The following GRK3 variants were observed in gnomAD, a reference collection of about 807,000 sequenced individuals.
GRK3 encodes the protein adrenergic, beta, receptor kinase 2.
GRK3 carries 54 observed loss-of-function variants against 95.7 expected under a neutral mutation model. That is an observed-to-expected ratio of 0.56 (90% CI 0.45 to 0.71). The LOEUF (loss-of-function observed/expected upper bound fraction) is 0.71, where lower values mean the gene tolerates loss of function less well. Ranked by LOEUF, GRK3 falls within the 30% of genes least tolerant of loss-of-function variation. The pLI is 0.00. For synonymous variants in GRK3, 281 were observed against 290.8 expected (o/e 0.97, Z 0.34); for missense variants, 649 against 851.2 (o/e 0.76, Z 2.96).
intron 2 of GRK3, among the ~76,000 whole-genome samples, chr22:25,630,820 A>T (rs1456067216): frequency 6.6e-6 from 1 of 152,184 alleles, no homozygotes; most frequent in Non-Finnish European, 1.5e-5. Context: ...AAGAATACGT[A>T]TGTGTTGAAT....
At chr22:25,574,156 C>T (rs1042142355) in intron 1 of GRK3, among the ~76,000 whole-genome samples, 7 of 152,036 alleles carry the variant, frequency 4.6e-5, no homozygotes, top group African/African-American at 1.4e-4. Flanking sequence ...AGGTGTATTT[C>T]TTGTAATTTT....
At position 25,704,275 on chromosome 22, in the gene GRK3, T is replaced by C; in HGVS notation, c.1328+66T>C. ...AGCAAAATAGTGATTTTAAATACTGTCTATCAAAAGTCATCCCTAGTCATT... is the reference window on the plus strand; with the variant it reads ...AGCAAAATAGTGATTTTAAATACTGCCTATCAAAAGTCATCCCTAGTCATT... On this transcript the variant is annotated intron_variant, in intron 15 of 20. Transcript: ENST00000324198. 12 of 1,237,108 alleles carry C rather than the reference T, an allele frequency of 9.7e-6. No individual in the cohort carries two copies. The South Asian group carries it at 1.2e-4, about 12-fold the overall frequency. 76.6% of individuals were successfully genotyped at this position (1,237,108 alleles called of 1,614,324 possible). A position where few individuals can be genotyped will look rare whatever the true frequency, so the allele number is the denominator to read the frequency against.
At chr22:25,569,916 C>T (rs1219673669) in intron 1 of GRK3, among the ~76,000 whole-genome samples, 3 of 152,196 alleles carry the variant, frequency 2.0e-5, no homozygotes, top group African/African-American at 7.2e-5. Context: ...AGGAGCTCAG[C>T]CCAGGTGACA....
chr22:25,604,815 A>G (rs946130265), intron 2 of GRK3, among the ~76,000 whole-genome samples: 11 of 152,182 alleles, frequency 7.2e-5, no homozygotes, highest in Non-Finnish European at 1.3e-4. Flanking sequence ...TGGCTGGAGG[A>G]AATTACTTTA....
intron 2 of GRK3, among the ~76,000 whole-genome samples, chr22:25,609,150 G>A (rs987340700): frequency 6.6e-6 from 1 of 152,134 alleles, no homozygotes; most frequent in East Asian, 1.9e-4. Flanking sequence ...TTATAGTTAA[G>A]ATTCTTTTGT....
intron 2 of GRK3, among the ~76,000 whole-genome samples, chr22:25,606,972 G>A (rs1279045703): frequency 6.6e-6 from 1 of 152,166 alleles, no homozygotes; most frequent in Non-Finnish European, 1.5e-5. Flanking sequence ...CACGACAATT[G>A]GCTCTCAGCA....
rs6519623 is a variant in GRK3 at position 25,723,009 on chromosome 22, C to T, written c.*559C>T. The T allele has an allele frequency of 0.032, 4,817 of 152,682 alleles. 96 individuals are homozygous for T. Among genetic ancestry groups the T allele is most frequent in the Middle Eastern group, 0.064 (19 of 298 alleles). The allele number at this position is 152,682 out of a possible 1,614,324, so 9.5% of individuals were successfully genotyped here. The stretch of plus-strand genomic sequence containing the variant: ...CACTTGGGCCCTCCTCTGGGAGCCG[C>T]ACCCACATGACTGCCCTGCCTCTGA... On this transcript the variant is annotated 3_prime_UTR_variant, in exon 21 of 21. Coordinates refer to ENST00000324198, the MANE Select transcript of GRK3 (RefSeq NM_005160.4).
intron 9 of GRK3, among the ~76,000 whole-genome samples, chr22:25,681,354 G>A (rs1004678738): frequency 4.6e-5 from 7 of 152,194 alleles, no homozygotes; most frequent in Non-Finnish European, 5.9e-5. Context: ...CACAGTGCTC[G>A]GAAGGCCTTT....
chr22:25,666,604 C>T (rs986390342), intron 5 of GRK3, among the ~76,000 whole-genome samples: 1 of 152,042 alleles, frequency 6.6e-6, no homozygotes, highest in African/African-American at 2.4e-5. Context: ...CCGCGTTGCC[C>T]GCCAGGCTAG....
intron 13 of GRK3, among the ~76,000 whole-genome samples, chr22:25,701,171 G>A (rs1016709244): frequency 2.6e-5 from 4 of 152,182 alleles, no homozygotes; most frequent in Non-Finnish European, 5.9e-5. Flanking sequence ...GAGCTTGGCC[G>A]TGCCTTGTAA....
chr22:25,703,383 G>A (rs2085273421), intron 13 of GRK3, 127 bp from the exon 14 acceptor site: 1 of 658,660 alleles, frequency 1.5e-6, no homozygotes, highest in East Asian at 2.6e-5. Flanking sequence ...AATGTTTACG[G>A]CTTTTGCATT....
At chr22:25,677,698 T>A (rs1447849667) in intron 8 of GRK3, among the ~76,000 whole-genome samples, 1 of 152,260 alleles carries the variant, frequency 6.6e-6, no homozygotes, top group African/African-American at 2.4e-5. Context: ...ATTTTCTGTG[T>A]CTGCTACACT....
chr22:25,677,266 C>G (rs1202534758), intron 8 of GRK3, among the ~76,000 whole-genome samples: 1 of 151,124 alleles, frequency 6.6e-6, no homozygotes, highest in East Asian at 2.0e-4. Context: ...GCTCCAGCTA[C>G]TCTGGAGGCT....
chr22:25,712,330 G>T lies in GRK3; in HGVS notation c.1491+1167G>T, dbSNP rs182163853. ...AGCATTGAGACCGATGCCTAGACCT[G>T]TGCACAACCAGGCATCGTCTGTAGC... is the stretch of plus-strand genomic sequence containing the variant. On this transcript the variant is annotated intron_variant, in intron 17 of 20. Coordinates refer to ENST00000324198, the MANE Select transcript of GRK3 (RefSeq NM_005160.4). Among the ~76,000 whole-genome samples, 361 of 152,338 alleles carry T rather than the reference G, an allele frequency of 2.4e-3. 4 individuals carry two copies. In the Middle Eastern group the frequency reaches 0.031, roughly 13 times the overall value.
chr22:25,638,435 C>CT (rs1440567932), intron 2 of GRK3, among the ~76,000 whole-genome samples: 1 of 152,200 alleles, frequency 6.6e-6, no homozygotes, highest in East Asian at 1.9e-4. Flanking sequence ...ATTCCTGTAA[C>CT]TGGTCACATG....
chr22:25,575,971 C>G (rs1460105643), intron 1 of GRK3, among the ~76,000 whole-genome samples: 1 of 152,230 alleles, frequency 6.6e-6, no homozygotes, highest in Non-Finnish European at 1.5e-5. Flanking sequence ...AAATTATTCT[C>G]TTCCTATAGG....
intron 1 of GRK3, 140 bp downstream of exon 1, chr22:25,565,293 C>G (rs41258164): frequency 0.013 from 5,585 of 429,418 alleles, 70 homozygotes; most frequent in Middle Eastern, 0.019. Flanking sequence ...GATGCGGGGC[C>G]GGCCTCGTCG....
At chr22:25,696,721 A>C (rs1416142376) in intron 13 of GRK3, among the ~76,000 whole-genome samples, 3 of 152,216 alleles carry the variant, frequency 2.0e-5, no homozygotes, top group Non-Finnish European at 4.4e-5. Context: ...ACATTCCCCC[A>C]AAACTAGGTT....
chr22:25,649,003 C>T, intron 3 of GRK3: 1 of 1,153,440 alleles, frequency 8.7e-7, no homozygotes, highest in South Asian at 1.2e-5. Context: ...GAACTGGTAA[C>T]AAAGGGCAGA....
Sources: allele counts gnomAD v4.1 joint callset (sites outside exome capture counted in the v4.1 genomes callset), GRCh38; gene constraint gnomAD v4.1.1; transcripts MANE v1.5; gene names NCBI Gene and HGNC (gene_info 2026-07-23, HGNC 2026-07-21).